ZSCAN29: variants seen among roughly 807,000 people sequenced by gnomAD.
ZSCAN29 encodes the protein zinc finger and SCAN domain containing 29.
In ZSCAN29, 55 loss-of-function variants were observed where a neutral mutation model predicts 71.9. The ratio of observed to expected loss-of-function variants is 0.76; its 90% CI spans 0.62 to 0.96. ZSCAN29 has a LOEUF of 0.96. Ranked by LOEUF, ZSCAN29 falls within the 40% of genes least tolerant of loss-of-function variation. ZSCAN29 has a pLI of 0.00. For missense variants in ZSCAN29, 1,042 were observed against 1,042.2 expected (o/e 1.00, Z 0.00); for synonymous variants, 351 against 371.6 (o/e 0.94, Z 0.64).
At chr15:43,362,532 G>C (rs1194694668) in intron 5 of ZSCAN29, among the ~76,000 whole-genome samples, 1 of 152,100 alleles carries the variant, frequency 6.6e-6, no homozygotes, top group Non-Finnish European at 1.5e-5. Flanking sequence ...TTGGGCCTAG[G>C]CTATGCAAAT....
intron 4 of ZSCAN29, 71 bp from the exon 5 acceptor site, chr15:43,364,453 A>G (rs551121863): frequency 2.2e-6 from 3 of 1,358,666 alleles, no homozygotes; most frequent in Admixed American, 1.7e-5. Flanking sequence ...CAGTCCTATC[A>G]TCTGCATCAT....
At position 43,360,956 on chromosome 15, in the gene ZSCAN29, T is replaced by C; in HGVS notation, c.*117A>G. 1 of 1,364,708 alleles carries C rather than the reference T, an allele frequency of 7.3e-7. No individual in the cohort carries two copies. The highest frequency in any genetic ancestry group is 2.3e-5 in the East Asian group (1 of 43,274). 84.5% of individuals were successfully genotyped at this position (1,364,708 alleles called of 1,614,324 possible). Reference sequence around the variant, plus strand: ...AACAAGGAACAAACAGTGGCATAAATCCTAAAGTGAATTTCCTAAGCTAAC... The same window carrying C: ...AACAAGGAACAAACAGTGGCATAAACCCTAAAGTGAATTTCCTAAGCTAAC... On this transcript the variant is annotated 3_prime_UTR_variant, in exon 6 of 6. Transcript: ENST00000684362.
intron 5 of ZSCAN29, 74 bp downstream of exon 5, chr15:43,363,841 A>C: frequency 1.4e-6 from 2 of 1,424,798 alleles, no homozygotes; most frequent in Non-Finnish European, 1.9e-6. Flanking sequence ...GCCAGTTCTC[A>C]ATCAGATGAT....
chr15:43,365,275 C>T (rs1187288178), intron 4 of ZSCAN29, among the ~76,000 whole-genome samples: 1 of 152,162 alleles, frequency 6.6e-6, no homozygotes, highest in Non-Finnish European at 1.5e-5. Flanking sequence ...GAATCTAAGC[C>T]TCCTGAGTCA....
intron 5 of ZSCAN29, 184 bp downstream of exon 5, chr15:43,363,731 G>A (rs1296357789): frequency 2.6e-5 from 15 of 568,028 alleles, no homozygotes; most frequent in Middle Eastern, 4.6e-4. Flanking sequence ...AGTGTGGGAA[G>A]TCAAGTCACA....
intron 3 of ZSCAN29, among the ~76,000 whole-genome samples, chr15:43,367,454 G>A (rs546314265): frequency 6.6e-6 from 1 of 152,190 alleles, no homozygotes; most frequent in Non-Finnish European, 1.5e-5. Context: ...TCACCACTCT[G>A]TGCCTTTACT....
chr15:43,367,254 A>G (rs1364758968), intron 3 of ZSCAN29, among the ~76,000 whole-genome samples: 1 of 152,122 alleles, frequency 6.6e-6, no homozygotes, highest in Non-Finnish European at 1.5e-5. Flanking sequence ...CTTCCTCTCT[A>G]TTCCTACTGC....
chr15:43,368,676 A>G (rs936647854), intron 3 of ZSCAN29, among the ~76,000 whole-genome samples: 1 of 152,218 alleles, frequency 6.6e-6, no homozygotes, highest in African/African-American at 2.4e-5. Context: ...CTAGAAAATA[A>G]TGACCTATAC....
At position 43,370,967 on chromosome 15, in the gene ZSCAN29, CGACCCT is replaced by C. The variant is rs1250064400; in HGVS notation, c.-528_-523del. ...GGGCCAGCCTCACCCACTCGGGGTC[CGACCCT>C]GACCCCGGCCCCGGCCCCGGCCCCG... On this transcript the variant is annotated 5_prime_UTR_variant, in exon 1 of 6. Transcript: ENST00000684362. The C allele has an allele frequency of 2.2e-5, 6 of 269,344 alleles. No individual in the cohort carries two copies. The highest frequency in any genetic ancestry group is 1.3e-3 in the Middle Eastern group (1 of 798). The allele number at this position is 269,344 out of a possible 1,614,324, so 16.7% of individuals were successfully genotyped here.
chr15:43,362,095 A>G (rs567093434), intron 5 of ZSCAN29, among the ~76,000 whole-genome samples, 154 bp from the exon 6 acceptor site: 102 of 152,312 alleles, frequency 6.7e-4, no homozygotes, highest in African/African-American at 2.4e-3. Context: ...TAAAATCCCA[A>G]TGTTTTACTT....
chr15:43,361,083 G>T lies in ZSCAN29; in HGVS notation c.2549C>A (p.Ala850Asp). ...TATATCCTCAGGGGCTTACTTGGGA[G>T]CTGACTGTGTCAGAAGCTTTTCCCG... ...HAREKLLTQS[A>D]PK The change falls in exon 6 of 6, where the codon GCT (alanine) becomes GAT (aspartate). Residue 850 changes from alanine to aspartate, a missense_variant. Coordinates refer to ENST00000684362, the MANE Select transcript of ZSCAN29 (RefSeq NM_001372080.1). The T allele has an allele frequency of 6.3e-7, 1 of 1,596,442 alleles. No homozygotes were observed. The highest frequency in any genetic ancestry group is 8.6e-7 in the Non-Finnish European group (1 of 1,168,284).
intron 3 of ZSCAN29, among the ~76,000 whole-genome samples, chr15:43,367,635 C>T (rs1004909203): frequency 2.0e-5 from 3 of 152,130 alleles, no homozygotes; most frequent in African/African-American, 4.8e-5. Flanking sequence ...CAGTTCAGTT[C>T]GGCACATACT....
At chr15:43,365,689 CTGACTT>C (rs2044028931) in intron 4 of ZSCAN29, among the ~76,000 whole-genome samples, 1 of 152,202 alleles carries the variant, frequency 6.6e-6, no homozygotes, top group Non-Finnish European at 1.5e-5. Context: ...ATATAATAAA[CTGACTT>C]TGAGCTTTGG....
chr15:43,366,381 T>G lies in ZSCAN29; in HGVS notation c.951A>C (p.Pro317=). The stretch of plus-strand genomic sequence containing the variant: ...CTTCAAAGAAGGGGCAGGTCTCAGG[T>G]GGGTGGCCGCTCTTGACTTTCCGAT... ...KSYRKVKSGH[P]PETCPFFEEM... The change falls in exon 4 of 6, where the codon CCA becomes CCC. Residue 317 remains proline (P), a synonymous_variant. Coordinates refer to ENST00000684362, the MANE Select transcript of ZSCAN29 (RefSeq NM_001372080.1). 1 of 1,613,784 alleles carries G rather than the reference T, an allele frequency of 6.2e-7. No individual in the cohort carries two copies. Among genetic ancestry groups the G allele is most frequent in the Non-Finnish European group, 8.5e-7 (1 of 1,179,978 alleles).
In ZSCAN29 at chr15:43,358,376, G is replaced by C. The variant is rs201540852; in HGVS notation, c.*2697C>G. 7.2e-6 allele frequency: 1 copy of C among 139,402 alleles called. No homozygotes were observed. Among genetic ancestry groups the C allele is most frequent in the African/African-American group, 2.7e-5 (1 of 36,794 alleles). 8.6% of individuals were successfully genotyped at this position (139,402 alleles called of 1,614,324 possible). On this transcript the variant is annotated 3_prime_UTR_variant, in exon 6 of 6. Coordinates refer to ENST00000684362, the MANE Select transcript of ZSCAN29 (RefSeq NM_001372080.1). ...AAAGACAATACTTTTTTTTTTTTTT[G>C]ACATTACAGCACACTTCCTAAATCA... is the stretch of plus-strand genomic sequence containing the variant.
chr15:43,362,975 A>C (rs546382096), intron 5 of ZSCAN29, among the ~76,000 whole-genome samples: 3 of 150,254 alleles, frequency 2.0e-5, no homozygotes, highest in African/African-American at 7.5e-5. Context: ...ATATATAAGC[A>C]AACTTGGGGG....
At position 43,358,889 on chromosome 15, in the gene ZSCAN29, C is replaced by T. The variant is rs1182597014; in HGVS notation, c.*2184G>A. On this transcript the variant is annotated 3_prime_UTR_variant, in exon 6 of 6. Transcript: ENST00000684362. ...TGGTCTGCTCCTAACACCCATGTTTCAGCTAAGGTGATTCTCTCTGCCTGC... is the reference window on the plus strand; with the variant it reads ...TGGTCTGCTCCTAACACCCATGTTTTAGCTAAGGTGATTCTCTCTGCCTGC... The T allele has an allele frequency of 6.6e-6, 1 of 152,248 alleles. No individual in the cohort carries two copies. Among genetic ancestry groups the T allele is most frequent in the Non-Finnish European group, 1.5e-5 (1 of 68,072 alleles). 9.4% of individuals were successfully genotyped at this position (152,248 alleles called of 1,614,324 possible).
At chr15:43,366,881 T>C in intron 3 of ZSCAN29, 73 bp from the exon 4 acceptor site, 1 of 1,378,354 alleles carries the variant, frequency 7.3e-7, no homozygotes, top group East Asian at 2.3e-5. Context: ...AATTCAGTCC[T>C]GCCTTTTTCA....
rs2043958503 is a variant in ZSCAN29, at chr15:43,359,124, C to T, written c.*1949G>A. 6.6e-6 allele frequency: 1 copy of T among 152,210 alleles called. No homozygotes were observed. Among genetic ancestry groups the T allele is most frequent in the South Asian group, 2.1e-4 (1 of 4,832 alleles). 9.4% of individuals were successfully genotyped at this position (152,210 alleles called of 1,614,324 possible). ...ATAATTTAACCAGTAACCTTCCCTC[C>T]TTTGACCACTTCCTGCTTCATGAAG... is the stretch of plus-strand genomic sequence containing the variant. On this transcript the variant is annotated 3_prime_UTR_variant, in exon 6 of 6. Transcript: ENST00000684362.
Sources: gnomAD v4.1 joint callset for allele counts (sites outside exome capture counted in the v4.1 genomes callset) on GRCh38, gnomAD v4.1.1 for gene constraint, MANE v1.5 for transcripts, NCBI Gene and HGNC (gene_info 2026-07-23, HGNC 2026-07-21) for gene names.